Variants in SOX5 observed in about 807,000 individuals in gnomAD.
SOX5 encodes transcription factor SOX-5.
In SOX5, 9 loss-of-function variants were observed where a neutral mutation model predicts 92.0. The ratio of observed to expected loss-of-function variants is 0.10; its 90% CI spans 0.06 to 0.17. The LOEUF is 0.17. Among genes scored for constraint, SOX5 ranks in the 10% least tolerant of loss-of-function variants. SOX5 has a pLI of 1.00. For synonymous variants in SOX5, 344 were observed against 336.3 expected (o/e 1.02, Z -0.25); for missense variants, 642 against 944.5 (o/e 0.68, Z 4.20).
chr12:24,250,443 G>A (rs1939796433), intron 3 of SOX5, among the ~76,000 whole-genome samples: 1 of 152,138 alleles, frequency 6.6e-6, no homozygotes, highest in Non-Finnish European at 1.5e-5. Flanking sequence ...CAAGTCAAAA[G>A]GTTGGTGTTC....
At chr12:23,951,747 C>T (rs901111345), upstream of SOX5, among the ~76,000 whole-genome samples, 3 of 151,946 alleles carry the variant, frequency 2.0e-5, no homozygotes, top group Non-Finnish European at 4.4e-5. Flanking sequence ...TATGACCCAC[C>T]CTGAAAAAGC....
At chr12:23,668,303 C>T (rs1353723685) in intron 6 of SOX5, among the ~76,000 whole-genome samples, 1 of 152,158 alleles carries the variant, frequency 6.6e-6, no homozygotes, top group Non-Finnish European at 1.5e-5. Context: ...CGGAAGCTCG[C>T]AAGAATCTAA....
At chr12:23,884,012 A>G (rs1234108717) in intron 2 of SOX5, among the ~76,000 whole-genome samples, 1 of 152,080 alleles carries the variant, frequency 6.6e-6, no homozygotes, top group Non-Finnish European at 1.5e-5. Context: ...AGGTTACTTA[A>G]ATTTATAAGC....
intron 1 of SOX5, among the ~76,000 whole-genome samples, chr12:24,506,517 C>T (rs1260766689): frequency 6.6e-6 from 1 of 151,706 alleles, no homozygotes; most frequent in Admixed American, 6.6e-5. Context: ...TAGGTCCAAT[C>T]ATGCACAGTG....
intron 9 of SOX5, among the ~76,000 whole-genome samples, chr12:23,598,827 T>G (rs1044319261): frequency 1.3e-5 from 2 of 152,184 alleles, no homozygotes; most frequent in African/African-American, 4.8e-5. Flanking sequence ...TCTGCCTTTT[T>G]CCCCACTTGG....
chr12:24,283,793 A>G (rs1220560274), intron 2 of SOX5, among the ~76,000 whole-genome samples: 4 of 152,182 alleles, frequency 2.6e-5, no homozygotes, highest in African/African-American at 4.8e-5. Flanking sequence ...ACTAAATGCA[A>G]CCAATATGTG....
chr12:24,198,445 C>T (rs1035109806), intron 4 of SOX5, among the ~76,000 whole-genome samples: 18 of 152,220 alleles, frequency 1.2e-4, no homozygotes, highest in African/African-American at 3.1e-4. Context: ...TGTGGGTATG[C>T]TTCTATCTAT....
intron 1 of SOX5, among the ~76,000 whole-genome samples, chr12:24,369,261 A>C (rs547899130): frequency 6.6e-6 from 1 of 152,270 alleles, no homozygotes; most frequent in South Asian, 2.1e-4. Context: ...GTTTGGCTGA[A>C]GGCTTTGGCC....
intron 4 of SOX5, among the ~76,000 whole-genome samples, chr12:24,152,960 G>A (rs1279466467): frequency 6.6e-6 from 1 of 152,126 alleles, no homozygotes; most frequent in African/African-American, 2.4e-5. Flanking sequence ...GTGGAGCACA[G>A]TGTTGAGCTC....
intron 3 of SOX5, among the ~76,000 whole-genome samples, chr12:24,231,596 A>G (rs1963415965): frequency 6.6e-6 from 1 of 152,200 alleles, no homozygotes; most frequent in South Asian, 2.1e-4. Flanking sequence ...AAACTTATCT[A>G]ATGTCTCTAC....
chr12:24,089,040 C>T (rs1035758804), intron 4 of SOX5, among the ~76,000 whole-genome samples: 3 of 152,008 alleles, frequency 2.0e-5, no homozygotes, highest in African/African-American at 7.2e-5. Context: ...TTAGATAACA[C>T]CAGTTATATA....
intron 3 of SOX5, among the ~76,000 whole-genome samples, chr12:24,240,093 C>T (rs1965285243): frequency 6.6e-6 from 1 of 152,056 alleles, no homozygotes; most frequent in Admixed American, 6.6e-5. Context: ...CCTGAGTATT[C>T]CTTTTAAAAA....
chr12:23,985,159 T>G (rs80216880), intron 4 of SOX5, among the ~76,000 whole-genome samples: 2 of 152,168 alleles, frequency 1.3e-5, no homozygotes, highest in African/African-American at 2.4e-5. Flanking sequence ...AAATGCTGCC[T>G]AACATTATAA....
In SOX5 at chr12:23,543,182, C is replaced by T. The variant is rs7485662; in HGVS notation, c.1771+29G>A. Reference sequence around the variant, plus strand: ...AACAGAACAGTACCTTTATTCCATACGTCACTTAGTTCTTAATGGTTTTCT... The same window carrying T: ...AACAGAACAGTACCTTTATTCCATATGTCACTTAGTTCTTAATGGTTTTCT... On this transcript the variant is annotated intron_variant, in intron 13 of 14. Transcript: ENST00000451604. 0.51 allele frequency: 807,993 copies of T among 1,579,830 alleles called. 207,987 individuals are homozygous for T. Among genetic ancestry groups the T allele is most frequent in the Admixed American group, 0.54 (31,893 of 59,544 alleles).
At chr12:24,536,398 T>G (rs1375079168) in intron 1 of SOX5, among the ~76,000 whole-genome samples, 1 of 152,120 alleles carries the variant, frequency 6.6e-6, no homozygotes, top group Non-Finnish European at 1.5e-5. Context: ...TTAAGACCCT[T>G]CCCTTCAAAA....
At chr12:23,832,577 A>G (rs1283575197) in intron 3 of SOX5, among the ~76,000 whole-genome samples, 1 of 152,080 alleles carries the variant, frequency 6.6e-6, no homozygotes, top group Non-Finnish European at 1.5e-5. Context: ...AATAATGACA[A>G]TAACTGGTAC....
At chr12:23,955,241 C>T (rs779409063), upstream of SOX5, among the ~76,000 whole-genome samples, 7 of 151,898 alleles carry the variant, frequency 4.6e-5, no homozygotes, top group Non-Finnish European at 1.0e-4. Context: ...AACCAAATGC[C>T]CAAATTTTGG....
At chr12:24,259,226 G>A (rs576773217) in intron 3 of SOX5, among the ~76,000 whole-genome samples, 2 of 152,144 alleles carry the variant, frequency 1.3e-5, no homozygotes, top group African/African-American at 2.4e-5. Context: ...GAGAGCGAGC[G>A]AGAGAGAGAG....
At chr12:23,904,958 G>A (rs182741768) in intron 1 of SOX5, among the ~76,000 whole-genome samples, 358 of 152,112 alleles carry the variant, frequency 2.4e-3, no homozygotes, top group Non-Finnish European at 3.9e-3. Flanking sequence ...GCAAAACAAT[G>A]TAAAGGTACA....
Sources: gnomAD v4.1 joint callset for allele counts (sites outside exome capture counted in the v4.1 genomes callset) on GRCh38, gnomAD v4.1.1 for gene constraint, MANE v1.5 for transcripts, NCBI Gene and HGNC (gene_info 2026-07-23, HGNC 2026-07-21) for gene names.